IL1RL1: variants seen among roughly 807,000 people sequenced by gnomAD.
The protein encoded by IL1RL1 is interleukin-1 receptor-like 1.
A neutral mutation model predicts 50.9 loss-of-function variants in IL1RL1; 32 were observed. That is an observed-to-expected ratio of 0.63 (90% confidence interval 0.47 to 0.84). The LOEUF is 0.84. Among genes scored for constraint, IL1RL1 ranks in the 40% least tolerant of loss-of-function variants. The pLI is 0.00. For missense variants in IL1RL1, 773 were observed against 662.9 expected (o/e 1.17, Z -1.82); for synonymous variants, 275 against 236.0 (o/e 1.17, Z -1.51).
intron 1 of IL1RL1, among the ~76,000 whole-genome samples, chr2:102,314,538 A>T (rs1053958458): frequency 6.6e-6 from 1 of 152,174 alleles, no homozygotes; most frequent in Non-Finnish European, 1.5e-5. Context: ...AATTTCAACA[A>T]CTGCAGATCC....
At chr2:102,337,725 G>A (rs1031048314) in intron 1 of IL1RL1, among the ~76,000 whole-genome samples, 63 of 152,248 alleles carry the variant, frequency 4.1e-4, no homozygotes, top group African/African-American at 1.5e-3. Context: ...TTGTGAGCAT[G>A]CTGCTACCAG....
intron 1 of IL1RL1, among the ~76,000 whole-genome samples, chr2:102,318,893 C>A (rs115550781): frequency 0.014 from 2,098 of 152,230 alleles, 54 homozygotes; most frequent in African/African-American, 0.048. Context: ...ATAATTTAAA[C>A]TAATTATTAA....
chr2:102,350,742 C>T (rs1343727220), intron 10 of IL1RL1, among the ~76,000 whole-genome samples: 2 of 67,154 alleles, frequency 3.0e-5, no homozygotes, highest in Non-Finnish European at 6.1e-5. Flanking sequence ...ACCTGCCTCT[C>T]CACGTGGGGC....
intron 8 of IL1RL1, 166 bp downstream of exon 8, chr2:102,343,581 T>C: frequency 6.7e-7 from 1 of 1,499,776 alleles, no homozygotes; most frequent in Non-Finnish European, 8.8e-7. Context: ...TTGTAGACTG[T>C]TCCTGTTTGC....
intron 1 of IL1RL1, among the ~76,000 whole-genome samples, chr2:102,325,205 G>T (rs745751205): frequency 6.6e-6 from 1 of 152,214 alleles, no homozygotes; most frequent in African/African-American, 2.4e-5. Context: ...AATATCCGCT[G>T]TTCTGCAGCC....
Position 102,318,910 on chromosome 2 carries a change from T to A in IL1RL1, c.-150+7287T>A, listed in dbSNP as rs1386132307. 2.0e-5 allele frequency among the ~76,000 whole-genome samples: 3 copies of A among 152,144 alleles called. No individual in the cohort carries two copies. In the East Asian group the frequency reaches 5.8e-4, roughly 29 times the overall value. Reference sequence around the variant, plus strand: ...AATTTAAACTAATTATTAACAAAATTGAAATTTAAAGAAACAAGTAATGCA... The same window carrying A: ...AATTTAAACTAATTATTAACAAAATAGAAATTTAAAGAAACAAGTAATGCA... On this transcript the variant is annotated intron_variant, in intron 1 of 10. Coordinates refer to ENST00000233954, the MANE Select transcript of IL1RL1 (RefSeq NM_016232.5).
Position 102,351,959 on chromosome 2 carries a change from C to G in IL1RL1, c.*38C>G. 3 of 1,557,992 alleles carry G rather than the reference C, an allele frequency of 1.9e-6. No individual in the cohort carries two copies. The highest frequency in any genetic ancestry group is 2.6e-6 in the Non-Finnish European group (3 of 1,153,020). On this transcript the variant is annotated 3_prime_UTR_variant, in exon 11 of 11. Transcript: ENST00000233954. ...TGTGCAAAGGCATCTGAGTTTGAAG[C>G]TTTCCTGACTTCTCCTAGCTGGCTT...
chr2:102,335,735 G>A (rs1161750356), intron 1 of IL1RL1, among the ~76,000 whole-genome samples: 1 of 152,130 alleles, frequency 6.6e-6, no homozygotes, highest in Non-Finnish European at 1.5e-5. Flanking sequence ...CTTAATACAT[G>A]TTTTAAAAAG....
chr2:102,352,040 G>A (rs997668387), downstream of IL1RL1: 2 of 1,030,780 alleles, frequency 1.9e-6, no homozygotes, highest in Admixed American at 2.5e-5. Context: ...CAGGCCTCAG[G>A]TTTCATCTGG....
chr2:102,335,594 T>C (rs1210291665), intron 1 of IL1RL1, among the ~76,000 whole-genome samples: 2 of 152,226 alleles, frequency 1.3e-5, no homozygotes, highest in African/African-American at 2.4e-5. Flanking sequence ...AATTATTTTA[T>C]AGGAAGAGTT....
In IL1RL1 at chr2:102,323,274, G is replaced by T. The variant is rs1183097485; in HGVS notation, c.-150+11651G>T. On this transcript the variant is annotated intron_variant, in intron 1 of 10. Coordinates refer to ENST00000233954, the MANE Select transcript of IL1RL1 (RefSeq NM_016232.5). ...ATATATATATATATATATATATATA[G>T]TGTGTGTGTGTGTGTGTGTGTATAT... Among the ~76,000 whole-genome samples the T allele has an allele frequency of 3.9e-3, 72 of 18,676 alleles. 1 individual carries two copies. Among genetic ancestry groups the T allele is most frequent in the South Asian group, 0.015 (15 of 1,016 alleles). 12.3% of individuals were successfully genotyped at this position (18,676 alleles called of 152,430 possible).
At chr2:102,315,221 G>C (rs565083556) in intron 1 of IL1RL1, among the ~76,000 whole-genome samples, 1 of 152,102 alleles carries the variant, frequency 6.6e-6, no homozygotes, top group Non-Finnish European at 1.5e-5. Flanking sequence ...TATGCCGTGG[G>C]GAAAAGGAGT....
chr2:102,338,965 C>T lies in IL1RL1; in HGVS notation c.190C>T (p.Arg64Cys), dbSNP rs202037442. The change falls in exon 3 of 11, where the codon CGT becomes TGT. Residue 64 changes from arginine to cysteine, a missense_variant. Arg to Cys is a radical substitution (Grantham distance 180). Coordinates refer to ENST00000233954, the MANE Select transcript of IL1RL1 (RefSeq NM_016232.5). ...AAGTATTCCCACTCAGGAAAGAAAT[C>T]GTGTGTTTGCCTCAGGCCAACTTCT... ...NKSIPTQERN[R>C]VFASGQLLKF... 421 of 1,613,804 alleles carry T rather than the reference C, an allele frequency of 2.6e-4. No individual in the cohort carries two copies. Among genetic ancestry groups the T allele is most frequent in the Non-Finnish European group, 3.3e-4 (384 of 1,179,878 alleles).
Position 102,339,026 on chromosome 2 carries a change from T to C in IL1RL1, c.251T>C (p.Ile84Thr), listed in dbSNP as rs1008216095. ...FLPAAVADSG[I>T]YTCIVRSPTF... ...CCAGCTGCAGTTGCTGATTCTGGTA[T>C]TTATACCTGTATTGTCAGAAGGTAT... The change falls in exon 3 of 11, where the codon ATT (isoleucine) becomes ACT (threonine). Residue 84 changes from isoleucine to threonine, a missense_variant. Coordinates refer to ENST00000233954, the MANE Select transcript of IL1RL1 (RefSeq NM_016232.5). 3 of 1,612,718 alleles carry C rather than the reference T, an allele frequency of 1.9e-6. No individual in the cohort carries two copies. In the African/African-American group the frequency reaches 4.0e-5, roughly 22 times the overall value.
chr2:102,326,083 T>A (rs1336755872), intron 1 of IL1RL1, among the ~76,000 whole-genome samples: 1 of 151,976 alleles, frequency 6.6e-6, no homozygotes, highest in Non-Finnish European at 1.5e-5. Flanking sequence ...AAGGCAAAAA[T>A]GTTAAGGGCA....
chr2:102,322,866 T>C (rs1249142227), intron 1 of IL1RL1, among the ~76,000 whole-genome samples: 1 of 152,188 alleles, frequency 6.6e-6, no homozygotes, highest in East Asian at 1.9e-4. Context: ...TTGCCTATTG[T>C]TGGGCTTCCT....
chr2:102,337,559 C>T (rs896820467), intron 1 of IL1RL1, among the ~76,000 whole-genome samples: 1 of 152,106 alleles, frequency 6.6e-6, no homozygotes, highest in African/African-American at 2.4e-5. Flanking sequence ...CCTTTGGTGA[C>T]TCCTGGGAAC....
At chr2:102,322,799 C>CA (rs1676872100) in intron 1 of IL1RL1, among the ~76,000 whole-genome samples, 1 of 152,224 alleles carries the variant, frequency 6.6e-6, no homozygotes, top group Non-Finnish European at 1.5e-5. Context: ...GTTGCCCTCA[C>CA]ACCTTTCCAA....
chr2:102,350,919 T>G (rs1340033518), intron 10 of IL1RL1, among the ~76,000 whole-genome samples: 1 of 152,234 alleles, frequency 6.6e-6, no homozygotes, highest in Non-Finnish European at 1.5e-5. Flanking sequence ...ATGTTCTTTC[T>G]GAGTCCACCC....
Sources: allele counts gnomAD v4.1 joint callset (sites outside exome capture counted in the v4.1 genomes callset), GRCh38; gene constraint gnomAD v4.1.1; transcripts MANE v1.5; gene names NCBI Gene and HGNC (gene_info 2026-07-23, HGNC 2026-07-21).